PPIP5K1: variants seen among roughly 807,000 people sequenced by gnomAD.
PPIP5K1 encodes the protein diphosphoinositol pentakisphosphate kinase 1.
PPIP5K1 carries 6 observed loss-of-function variants against 27.7 expected under a neutral mutation model. That is an observed-to-expected ratio of 0.22 (90% CI 0.12 to 0.43). The LOEUF is 0.43. Among genes scored for constraint, PPIP5K1 ranks in the 20% least tolerant of loss-of-function variants. The pLI is 1.00. For missense variants in PPIP5K1, 394 were observed against 635.4 expected (o/e 0.62, Z 4.08); for synonymous variants, 145 against 242.6 (o/e 0.60, Z 3.74).
chr15:43,539,532 G>A lies in PPIP5K1; in HGVS notation c.3608C>T (p.Pro1203Leu), dbSNP rs899701266. Reference protein sequence around the residue: ...SSQASDNPFSPPRTLHSPPLQ... With the variant: ...SSQASDNPFSLPRTLHSPPLQ... ...GGGAGGTGAATGAAGAGTACGTGGTGGAGAAAATGGGTTATCTGAGGCCTG... is the reference window on the plus strand; with the variant it reads ...GGGAGGTGAATGAAGAGTACGTGGTAGAGAAAATGGGTTATCTGAGGCCTG... The change falls in exon 31 of 32, where the codon CCA becomes CTA. Residue 1203 changes from proline to leucine, a missense_variant. Coordinates refer to ENST00000420765, the MANE Select transcript of PPIP5K1 (RefSeq NM_001394395.1). The A allele has an allele frequency of 6.2e-7, 1 of 1,610,460 alleles. No homozygotes were observed. The highest frequency in any genetic ancestry group is 8.5e-7 in the Non-Finnish European group (1 of 1,178,162).
At chr15:43,541,852 C>A (rs906671967) in intron 30 of PPIP5K1, among the ~76,000 whole-genome samples, 3 of 152,172 alleles carry the variant, frequency 2.0e-5, no homozygotes, top group African/African-American at 7.2e-5. Context: ...ATTTCACTAT[C>A]CCTTGTATTT....
chr15:43,579,383 T>TAC (rs371291746), intron 10 of PPIP5K1, among the ~76,000 whole-genome samples: 13,375 of 84,010 alleles, frequency 0.16, 1,729 homozygotes, highest in East Asian at 0.34. Context: ...TTCGATTATA[T>TAC]ACACACACAC....
chr15:43,537,450 A>T (rs2080032407), intron 31 of PPIP5K1: 1 of 262,888 alleles, frequency 3.8e-6, no homozygotes. Context: ...ACACTTTGGG[A>T]GGCTGAGGTG....
Position 43,534,842 on chromosome 15 carries a change from C to T in PPIP5K1, c.4305G>A (p.Glu1435=). ...VGSPAEEIPE[E]VIQPYQEFSV... is the part of the protein sequence containing the mutation. ...AGAACTCCTGGTATGGCTGGATGACCTCCTCAGGGATCTCTTCAGCTGGGC... is the reference window on the plus strand; with the variant it reads ...AGAACTCCTGGTATGGCTGGATGACTTCCTCAGGGATCTCTTCAGCTGGGC... Residue 1435 remains glutamate, a synonymous_variant, in exon 32 of 32, where the codon GAG becomes GAA. Coordinates refer to ENST00000420765, the MANE Select transcript of PPIP5K1 (RefSeq NM_001394395.1). The T allele has an allele frequency of 6.2e-7, 1 of 1,613,086 alleles. No individual in the cohort carries two copies. The highest frequency in any genetic ancestry group is 1.3e-5 in the African/African-American group (1 of 75,020).
chr15:43,558,201 C>G (rs1336429611), intron 30 of PPIP5K1, among the ~76,000 whole-genome samples: 7 of 150,910 alleles, frequency 4.6e-5, no homozygotes, highest in African/African-American at 1.7e-4. Context: ...GGACTACAGG[C>G]ACACACCAAC....
chr15:43,539,619 A>C lies in PPIP5K1; in HGVS notation c.3557-36T>G, dbSNP rs746427281. The C allele has an allele frequency of 4.3e-5, 57 of 1,324,374 alleles. 3 individuals are homozygous for C. The South Asian group carries it at 7.0e-4, about 16-fold the overall frequency. 82.0% of individuals were successfully genotyped at this position (1,324,374 alleles called of 1,614,324 possible). A position where few individuals can be genotyped will look rare whatever the true frequency, so the allele number is the denominator to read the frequency against. On this transcript the variant is annotated intron_variant, in intron 30 of 31. Coordinates refer to ENST00000420765, the MANE Select transcript of PPIP5K1 (RefSeq NM_001394395.1). ...GGTAGGGTGAAGGGAGAGGGAAGAAAAAAAGACATATGAGGAAGAATCCAG... is the reference window on the plus strand; with the variant it reads ...GGTAGGGTGAAGGGAGAGGGAAGAACAAAAGACATATGAGGAAGAATCCAG...
intron 30 of PPIP5K1, among the ~76,000 whole-genome samples, chr15:43,558,385 A>G (rs1233875491): frequency 6.6e-6 from 1 of 151,928 alleles, no homozygotes; most frequent in African/African-American, 2.4e-5. Context: ...ACACCACCGC[A>G]CCCAGCTAAT....
At chr15:43,536,870 A>G (rs1369236151) in intron 31 of PPIP5K1, among the ~76,000 whole-genome samples, 1 of 152,146 alleles carries the variant, frequency 6.6e-6, no homozygotes, top group East Asian at 1.9e-4. Flanking sequence ...TGTTGATAAT[A>G]TTATAACGAT....
intron 30 of PPIP5K1, among the ~76,000 whole-genome samples, chr15:43,551,140 TGA>T (rs1342322490): frequency 1.3e-5 from 2 of 152,218 alleles, no homozygotes; most frequent in African/African-American, 4.8e-5. Flanking sequence ...GTGAGTAGAC[TGA>T]GTTACTTCTT....
rs376255423 is a variant in PPIP5K1 at position 43,555,234 on chromosome 15, A to G, written c.3556+3561T>C. The stretch of plus-strand genomic sequence containing the variant: ...CTTTTCTTCTGCTCACCTTATTATA[A>G]TAGTCTTTCAATTAGAAAACTGTTG... On this transcript the variant is annotated intron_variant, in intron 30 of 31. Transcript: ENST00000420765. Among the ~76,000 whole-genome samples the G allele has an allele frequency of 2.0e-5, 3 of 152,088 alleles. No homozygotes were observed. The South Asian group carries it at 6.2e-4, about 32-fold the overall frequency.
rs879415771 is a variant in PPIP5K1, at chr15:43,579,381, T to TACACAC, written c.1062-262_1062-261insGTGTGT. 9.9e-3 allele frequency among the ~76,000 whole-genome samples: 317 copies of TACACAC among 32,042 alleles called. 19 individuals are homozygous for TACACAC. Among genetic ancestry groups the TACACAC allele is most frequent in the Admixed American group, 0.013 (50 of 3,804 alleles). 21.0% of individuals were successfully genotyped at this position (32,042 alleles called of 152,430 possible). On this transcript the variant is annotated intron_variant, in intron 10 of 31. Transcript: ENST00000420765. Reference sequence around the variant, plus strand: ...GAGGAGTACATAGGGGCTTCGATTATATACACACACACACACACACACACA... The same window carrying TACACAC: ...GAGGAGTACATAGGGGCTTCGATTATACACACATACACACACACACACACACACACA...
chr15:43,553,803 C>G (rs1462008531), intron 30 of PPIP5K1, among the ~76,000 whole-genome samples: 2 of 151,968 alleles, frequency 1.3e-5, no homozygotes, highest in African/African-American at 4.8e-5. Context: ...CGCCACCACG[C>G]CCGGCTAATT....
rs1395064903 is a variant in PPIP5K1 at position 43,558,872 on chromosome 15, A to G, written c.3479T>C (p.Leu1160Pro). 2 of 1,614,024 alleles carry G rather than the reference A, an allele frequency of 1.2e-6. No homozygotes were observed. Residue 1160 changes from leucine (L) to proline (P), a missense_variant, in exon 30 of 32, where the codon CTT becomes CCT. By Grantham distance (98) the Leu-to-Pro change is moderately conservative. Transcript: ENST00000420765. ...IYPLETLHNA[L>P]SLRQVSEFLS... is the part of the protein sequence containing the mutation. ...GAATTCACTCACTTGACGTAGGGAAAGGGCATTATGCAGTGTTTCCAGAGG... is the reference window on the plus strand; with the variant it reads ...GAATTCACTCACTTGACGTAGGGAAGGGGCATTATGCAGTGTTTCCAGAGG...
At chr15:43,546,149 T>C (rs1446971313) in intron 30 of PPIP5K1, among the ~76,000 whole-genome samples, 1 of 152,248 alleles carries the variant, frequency 6.6e-6, no homozygotes, top group East Asian at 1.9e-4. Flanking sequence ...TGTGACTTTT[T>C]GTGTTTGGTT....
At chr15:43,545,489 T>G (rs1340275096) in intron 30 of PPIP5K1, among the ~76,000 whole-genome samples, 1 of 151,030 alleles carries the variant, frequency 6.6e-6, no homozygotes, top group African/African-American at 2.4e-5. Flanking sequence ...TTTTTTTTTT[T>G]TTTTTAGTGA....
chr15:43,537,503 A>G (rs558632583), intron 31 of PPIP5K1: 254 of 184,504 alleles, frequency 1.4e-3, no homozygotes, highest in African/African-American at 5.7e-3. Context: ...AGCCTGGCCA[A>G]CATGGCAAAA....
chr15:43,578,556 AAAAGAAAG>A (rs1874903457), intron 11 of PPIP5K1, among the ~76,000 whole-genome samples: 2 of 116,080 alleles, frequency 1.7e-5, no homozygotes, highest in East Asian at 2.1e-4. Flanking sequence ...AAAAAAAAAA[AAAAGAAAG>A]AAAAAGAAAA....
intron 30 of PPIP5K1, among the ~76,000 whole-genome samples, chr15:43,542,241 GA>G (rs1325748428): frequency 1.4e-5 from 2 of 146,956 alleles, no homozygotes; most frequent in African/African-American, 2.6e-5. Flanking sequence ...GAGAGTTAGT[GA>G]AAAATATTTT....
chr15:43,536,607 C>T (rs2140300997), intron 31 of PPIP5K1, among the ~76,000 whole-genome samples: 1 of 152,142 alleles, frequency 6.6e-6, no homozygotes, highest in East Asian at 1.9e-4. Flanking sequence ...AGCTCACAGA[C>T]CCTACCCTGA....
Sources: gnomAD v4.1 joint callset for allele counts (sites outside exome capture counted in the v4.1 genomes callset) on GRCh38, gnomAD v4.1.1 for gene constraint, MANE v1.5 for transcripts, NCBI Gene and HGNC (gene_info 2026-07-23, HGNC 2026-07-21) for gene names.